RORA: variants seen among roughly 807,000 people sequenced by gnomAD.
RORA encodes the protein nuclear receptor ROR-alpha.
Under a neutral mutation model 69.5 loss-of-function variants are expected in RORA, and 7 were observed. The observed-to-expected ratio is 0.10, with a 90% CI of 0.06 to 0.19. RORA has a LOEUF of 0.19. Ranked by LOEUF, RORA falls within the 10% of genes least tolerant of loss-of-function variation. The pLI is 1.00. For synonymous variants in RORA, 261 were observed against 240.8 expected (o/e 1.08, Z -0.78); for missense variants, 457 against 663.0 (o/e 0.69, Z 3.41).
At chr15:61,008,605 A>T (rs1290620176) in intron 1 of RORA, among the ~76,000 whole-genome samples, 3 of 152,174 alleles carry the variant, frequency 2.0e-5, no homozygotes, top group Admixed American at 2.0e-4. Context: ...CAGGTCATTT[A>T]TGCTATCATT....
intron 3 of RORA, among the ~76,000 whole-genome samples, chr15:60,527,714 C>T (rs925254253): frequency 2.6e-5 from 4 of 152,172 alleles, no homozygotes; most frequent in African/African-American, 9.7e-5. Context: ...AAGTAAAATA[C>T]GTTTATAATA....
At chr15:60,736,890 A>G (rs1372741832) in intron 1 of RORA, 2 of 152,228 alleles carry the variant, frequency 1.3e-5, no homozygotes, top group Non-Finnish European at 2.9e-5. Flanking sequence ...AAAGGAACAT[A>G]GCGGTGAGAA....
At chr15:60,513,126 G>T (rs953370890) in intron 4 of RORA, among the ~76,000 whole-genome samples, 1 of 152,208 alleles carries the variant, frequency 6.6e-6, no homozygotes, top group East Asian at 1.9e-4. Context: ...AAGAGGACGC[G>T]CTGTCCTTGT....
At chr15:61,060,438 G>A (rs1166873302) in intron 1 of RORA, among the ~76,000 whole-genome samples, 1 of 152,196 alleles carries the variant, frequency 6.6e-6, no homozygotes, top group African/African-American at 2.4e-5. Context: ...CTGAGAGCAG[G>A]CACTTGCCAT....
At chr15:61,227,608 C>A (rs2080159377) in intron 1 of RORA, among the ~76,000 whole-genome samples, 1 of 152,032 alleles carries the variant, frequency 6.6e-6, no homozygotes, top group Admixed American at 6.5e-5. Flanking sequence ...ACAGCCAGCA[C>A]ATGATCAGCC....
intron 1 of RORA, among the ~76,000 whole-genome samples, chr15:61,189,272 C>T (rs1178659722): frequency 1.3e-5 from 2 of 152,152 alleles, no homozygotes; most frequent in Non-Finnish European, 2.9e-5. Flanking sequence ...TGATCTTTGC[C>T]TTCTTAAGGT....
intron 2 of RORA, among the ~76,000 whole-genome samples, chr15:60,632,042 G>A (rs532514298): frequency 6.6e-6 from 1 of 151,940 alleles, no homozygotes; most frequent in Non-Finnish European, 1.5e-5. Context: ...AGCCCCAAGA[G>A]AACCGAAAGA....
intron 1 of RORA, among the ~76,000 whole-genome samples, chr15:60,840,069 G>C (rs2073175824): frequency 6.6e-6 from 1 of 152,152 alleles, no homozygotes; most frequent in South Asian, 2.1e-4. Context: ...GATGATGGGC[G>C]GGGTCTGAGT....
intron 1 of RORA, among the ~76,000 whole-genome samples, chr15:60,757,633 C>A (rs2071822015): frequency 6.6e-6 from 1 of 152,304 alleles, no homozygotes; most frequent in Non-Finnish European, 1.5e-5. Flanking sequence ...CTGACACTTT[C>A]CTTGTCCCAA....
At chr15:60,896,269 A>G (rs1891228639) in intron 1 of RORA, among the ~76,000 whole-genome samples, 2 of 152,184 alleles carry the variant, frequency 1.3e-5, no homozygotes, top group African/African-American at 4.8e-5. Flanking sequence ...AGCCTTTTTT[A>G]TCTTATCAGT....
intron 2 of RORA, among the ~76,000 whole-genome samples, chr15:60,629,273 G>A (rs976891055): frequency 2.3e-5 from 3 of 129,460 alleles, no homozygotes; most frequent in African/African-American, 9.0e-5. Flanking sequence ...TGCAACCTCC[G>A]CCTCCTGGGT....
chr15:60,516,039 T>TTA (rs1555424840), intron 3 of RORA, among the ~76,000 whole-genome samples: 715 of 11,190 alleles, frequency 0.064, 24 homozygotes, highest in Middle Eastern at 0.25. Flanking sequence ...TTATATATAT[T>TTA]TATATATTTA....
intron 1 of RORA, among the ~76,000 whole-genome samples, chr15:60,745,766 T>C (rs1168743831): frequency 1.3e-5 from 2 of 152,206 alleles, no homozygotes; most frequent in Non-Finnish European, 1.5e-5. Context: ...TTCACCTGCT[T>C]CATTTTTTTC....
At chr15:60,724,210 T>A (rs553816538) in intron 1 of RORA, among the ~76,000 whole-genome samples, 3 of 152,340 alleles carry the variant, frequency 2.0e-5, no homozygotes, top group African/African-American at 7.2e-5. Flanking sequence ...ACAATTACCC[T>A]GCTAGATCAC....
intron 1 of RORA, among the ~76,000 whole-genome samples, chr15:61,119,814 T>C (rs2079086159): frequency 6.6e-6 from 1 of 152,180 alleles, no homozygotes; most frequent in African/African-American, 2.4e-5. Flanking sequence ...CCTGGGGACA[T>C]GAAATTCCAG....
At chr15:60,772,407 C>CAA (rs34846010) in intron 1 of RORA, among the ~76,000 whole-genome samples, 1 of 151,838 alleles carries the variant, frequency 6.6e-6, no homozygotes, top group African/African-American at 2.4e-5. Flanking sequence ...AAAACTACCT[C>CAA]GTGATTGCCT....
chr15:61,043,505 T>C (rs1896880325), intron 1 of RORA, among the ~76,000 whole-genome samples: 1 of 152,212 alleles, frequency 6.6e-6, no homozygotes, highest in African/African-American at 2.4e-5. Context: ...TAAACGCTAT[T>C]TCAGAATGTA....
chr15:61,079,491 CG>C (rs1304654871), intron 1 of RORA, among the ~76,000 whole-genome samples: 1 of 152,202 alleles, frequency 6.6e-6, no homozygotes, highest in Non-Finnish European at 1.5e-5. Context: ...CACCAAGTAT[CG>C]TGCAAGGATT....
intron 1 of RORA, among the ~76,000 whole-genome samples, chr15:60,719,853 T>C (rs2071269779): frequency 1.3e-5 from 2 of 152,128 alleles, no homozygotes. Flanking sequence ...GATTTTGGGA[T>C]GGGGGTGGAG....
Sources: allele counts gnomAD v4.1 joint callset (sites outside exome capture counted in the v4.1 genomes callset), GRCh38; gene constraint gnomAD v4.1.1; transcripts MANE v1.5; gene names NCBI Gene and HGNC (gene_info 2026-07-23, HGNC 2026-07-21).